Variants in MAP3K15 observed in about 807,000 individuals in gnomAD.
The protein encoded by MAP3K15 is MAPK/ERK kinase kinase 15.
In MAP3K15, 124 loss-of-function variants were observed where a neutral mutation model predicts 99.5. The observed-to-expected ratio is 1.25, with a 90% confidence interval of 1.08 to 1.45. The LOEUF (loss-of-function observed/expected upper bound fraction) is 1.45, where lower values mean the gene tolerates loss of function less well. MAP3K15 is among the 40% of genes most tolerant of loss of function. The probability of loss-of-function intolerance (pLI) is 0.00; values close to 1 mark genes in which losing one functional copy is unlikely to be tolerated. For missense variants in MAP3K15, 1,242 were observed against 1,079.7 expected (o/e 1.15, Z -2.11); for synonymous variants, 494 against 439.6 (o/e 1.12, Z -1.55).
intron 3 of MAP3K15, among the ~76,000 whole-genome samples, chrX:19,469,852 T>C (rs2064195339): frequency 9.2e-6 from 1 of 109,054 alleles, no homozygotes; most frequent in Admixed American, 9.7e-5. Flanking sequence ...CACAATGAGA[T>C]ACCATCTCAC....
intron 23 of MAP3K15, 99 bp from the exon 24 acceptor site, chrX:19,371,163 G>T: frequency 1.3e-6 from 1 of 798,712 alleles, no homozygotes; most frequent in Non-Finnish European, 1.8e-6. Flanking sequence ...TCATCCTCTT[G>T]GGGGCCGCAT....
chrX:19,412,928 C>T (rs1049316166), intron 11 of MAP3K15, among the ~76,000 whole-genome samples: 5 of 108,816 alleles, frequency 4.6e-5, no homozygotes, highest in East Asian at 2.9e-4. Context: ...TTTATAGAGA[C>T]GGGGTTTTGA....
chrX:19,438,501 A>G (rs1204156653), intron 6 of MAP3K15, among the ~76,000 whole-genome samples: 4 of 112,077 alleles, frequency 3.6e-5, no homozygotes, highest in Admixed American at 1.9e-4. Flanking sequence ...TTATTACCCA[A>G]TTGAATTTTG....
chrX:19,417,184 T>C (rs1484193774), intron 9 of MAP3K15, among the ~76,000 whole-genome samples: 2 of 111,732 alleles, frequency 1.8e-5, no homozygotes, highest in African/African-American at 6.5e-5. Flanking sequence ...CTGGGGAGTG[T>C]TGGAAAGTGG....
chrX:19,412,582 G>A (rs897545111), intron 11 of MAP3K15, among the ~76,000 whole-genome samples: 22 of 111,368 alleles, frequency 2.0e-4, no homozygotes, highest in Admixed American at 1.5e-3. Flanking sequence ...CTGGCACTGA[G>A]GGCTGAAGAG....
chrX:19,415,062 GTTT>G, intron 10 of MAP3K15, 42 bp downstream of exon 10: 3 of 1,071,402 alleles, frequency 2.8e-6, no homozygotes, highest in Non-Finnish European at 3.7e-6. Flanking sequence ...CCAATCCCTA[GTTT>G]TTTTCCTAAT....
chrX:19,453,753 G>A (rs1023748136), intron 6 of MAP3K15, among the ~76,000 whole-genome samples: 5 of 112,027 alleles, frequency 4.5e-5, no homozygotes, highest in African/African-American at 1.6e-4. Context: ...TAGGAGCCTG[G>A]AGACAATGCA....
intron 20 of MAP3K15, 29 bp from the exon 21 acceptor site, chrX:19,373,724 G>A (rs745416335): frequency 2.6e-5 from 31 of 1,185,774 alleles, no homozygotes; most frequent in Non-Finnish European, 3.4e-5. Flanking sequence ...ACACCGAATG[G>A]GGAGACTCAG....
chrX:19,397,586 C>A (rs914511847), intron 15 of MAP3K15, among the ~76,000 whole-genome samples: 1 of 111,436 alleles, frequency 9.0e-6, no homozygotes, highest in Non-Finnish European at 1.9e-5. Context: ...TGCACTCCTG[C>A]CTGAGTGACA....
intron 18 of MAP3K15, among the ~76,000 whole-genome samples, chrX:19,380,871 C>A (rs1164367037): frequency 8.9e-6 from 1 of 112,476 alleles, no homozygotes; most frequent in African/African-American, 3.2e-5. Context: ...TCCTTTAATA[C>A]TAACCACGTG....
Position 19,459,964 on chromosome X carries a change from T to C in MAP3K15, c.888+21A>G, listed in dbSNP as rs748625483. On this transcript the variant is annotated intron_variant, in intron 5 of 28. Transcript: ENST00000338883. ...AGGAAGAACGTAGCATACGTGAGCC[T>C]CGGCTAGGTGGATTTCATACCTGGA... 5 of 1,116,669 alleles carry C rather than the reference T, an allele frequency of 4.5e-6. No individual in the cohort carries two copies. The Admixed American group carries it at 1.4e-4, about 32-fold the overall frequency. The allele number at this position is 1,116,669 out of a possible 1,213,427, so 92.0% of individuals were successfully genotyped here.
At chrX:19,365,208 CAAA>C (rs141602108) in intron 25 of MAP3K15, among the ~76,000 whole-genome samples, 1 of 74,775 alleles carries the variant, frequency 1.3e-5, no homozygotes. Flanking sequence ...AACTCCATCT[CAAA>C]AAAAAAAAAA....
chrX:19,435,660 T>C (rs900803842), intron 6 of MAP3K15, among the ~76,000 whole-genome samples: 1 of 112,526 alleles, frequency 8.9e-6, no homozygotes, highest in African/African-American at 3.2e-5. Context: ...AGGTGTTAAA[T>C]AGCTAATCCC....
chrX:19,435,905 G>A (rs1719167558), intron 6 of MAP3K15, among the ~76,000 whole-genome samples: 1 of 112,387 alleles, frequency 8.9e-6, no homozygotes, highest in African/African-American at 3.2e-5. Context: ...TGTAATCCCA[G>A]CACTTTGGGA....
chrX:19,365,495 A>G (rs756665052), intron 25 of MAP3K15, among the ~76,000 whole-genome samples: 1 of 112,693 alleles, frequency 8.9e-6, no homozygotes, highest in South Asian at 3.6e-4. Context: ...GAAGTTAAAT[A>G]CATGTTAAAT....
intron 6 of MAP3K15, among the ~76,000 whole-genome samples, chrX:19,439,785 C>T (rs2063946797): frequency 8.9e-6 from 1 of 112,183 alleles, no homozygotes; most frequent in Non-Finnish European, 1.9e-5. Flanking sequence ...ATGTAAGTTA[C>T]ACCTTATTAA....
chrX:19,416,316 G>C (rs2063734492), intron 9 of MAP3K15, among the ~76,000 whole-genome samples: 1 of 110,161 alleles, frequency 9.1e-6, no homozygotes, highest in Admixed American at 9.6e-5. Flanking sequence ...GGGCAACAGA[G>C]CGAGACTCTG....
intron 13 of MAP3K15, among the ~76,000 whole-genome samples, chrX:19,401,893 A>T (rs111825539): frequency 0.014 from 1,601 of 111,474 alleles, 11 homozygotes; most frequent in Non-Finnish European, 0.022. Context: ...TTTCTAACTA[A>T]CCCATCTTAC....
intron 1 of MAP3K15, among the ~76,000 whole-genome samples, chrX:19,512,200 G>A (rs762691468): frequency 9.0e-6 from 1 of 111,287 alleles, no homozygotes; most frequent in South Asian, 3.8e-4. Context: ...GAGAGCATTA[G>A]GACAAATACC....
Sources: allele counts gnomAD v4.1 joint callset (sites outside exome capture counted in the v4.1 genomes callset), GRCh38; gene constraint gnomAD v4.1.1; transcripts MANE v1.5; gene names NCBI Gene and HGNC (gene_info 2026-07-23, HGNC 2026-07-21).